The following SYNDIG1 variants were observed in gnomAD, a reference collection of about 807,000 sequenced individuals.
The protein encoded by SYNDIG1 is synapse differentiation inducing 1, also known as synapse differentiation-inducing gene protein 1.
A neutral mutation model predicts 19.4 loss-of-function variants in SYNDIG1; 9 were observed. The observed-to-expected ratio is 0.46, with a 90% CI of 0.28 to 0.81. SYNDIG1 has a LOEUF of 0.81. Ranked by LOEUF, SYNDIG1 falls within the 30% of genes least tolerant of loss-of-function variation. SYNDIG1 has a pLI of 0.12. For synonymous variants in SYNDIG1, 141 were observed against 145.9 expected, an observed-to-expected ratio of 0.97 and a Z score of 0.24; for missense variants, 311 against 343.3, an observed-to-expected ratio of 0.91 and a Z score of 0.74.
intron 3 of SYNDIG1, among the ~76,000 whole-genome samples, chr20:24,598,256 C>A (rs772987256): frequency 6.6e-6 from 1 of 151,866 alleles, no homozygotes; most frequent in Admixed American, 6.5e-5. Context: ...GTGCTTTAGA[C>A]GCACAATTCC....
At chr20:24,568,320 C>T (rs1357910739) in intron 2 of SYNDIG1, among the ~76,000 whole-genome samples, 6 of 152,186 alleles carry the variant, frequency 3.9e-5, no homozygotes, top group Non-Finnish European at 8.8e-5. Context: ...CTTTCCCTTT[C>T]CTTTCCCTGG....
rs34833930 is a variant in SYNDIG1 at position 24,626,700 on chromosome 20, G to T, written c.619-38646G>T. Among the ~76,000 whole-genome samples, 3 of 151,230 alleles carry T rather than the reference G, an allele frequency of 2.0e-5. 1 individual carries two copies. Among genetic ancestry groups the T allele is most frequent in the Non-Finnish European group, 4.4e-5 (3 of 67,600 alleles). On this transcript the variant is annotated intron_variant, in intron 3 of 3. Transcript: ENST00000376862. ...GCGGCCGGGCAGAGGCTGCAATCTC[G>T]GCACTTTGGGGGGCCAAGGCAGGCG...
At chr20:24,504,361 A>G (rs567301888) in intron 1 of SYNDIG1, among the ~76,000 whole-genome samples, 1 of 152,322 alleles carries the variant, frequency 6.6e-6, no homozygotes, top group Non-Finnish European at 1.5e-5. Flanking sequence ...GGAGCAATGA[A>G]GTCGCACATA....
intron 3 of SYNDIG1, among the ~76,000 whole-genome samples, chr20:24,595,624 T>C (rs1046676323): frequency 1.3e-5 from 2 of 152,202 alleles, no homozygotes; most frequent in African/African-American, 4.8e-5. Context: ...AGCCATATAG[T>C]CCTTTCCAGT....
At chr20:24,652,128 C>G (rs942072645) in intron 3 of SYNDIG1, among the ~76,000 whole-genome samples, 6 of 152,228 alleles carry the variant, frequency 3.9e-5, no homozygotes, top group Non-Finnish European at 8.8e-5. Flanking sequence ...AGAGTCACTG[C>G]TCCCCACAGA....
At chr20:24,470,846 G>A (rs560610052) in intron 1 of SYNDIG1, among the ~76,000 whole-genome samples, 36 of 152,236 alleles carry the variant, frequency 2.4e-4, no homozygotes, top group Non-Finnish European at 5.0e-4. Flanking sequence ...GTCCTCCTGC[G>A]ACGTCAGATG....
intron 2 of SYNDIG1, among the ~76,000 whole-genome samples, chr20:24,558,002 G>A (rs1488753728): frequency 6.6e-6 from 1 of 152,184 alleles, no homozygotes; most frequent in Admixed American, 6.5e-5. Context: ...CCGTCTCCCT[G>A]CAGACTAAAG....
chr20:24,527,026 G>A (rs981066450), intron 1 of SYNDIG1, among the ~76,000 whole-genome samples: 2 of 152,132 alleles, frequency 1.3e-5, no homozygotes, highest in African/African-American at 2.4e-5. Flanking sequence ...CTGGATCAGT[G>A]AATTTGTGTT....
chr20:24,643,451 T>C (rs987044089), intron 3 of SYNDIG1, among the ~76,000 whole-genome samples: 6 of 152,218 alleles, frequency 3.9e-5, no homozygotes, highest in African/African-American at 1.4e-4. Context: ...GCCGTGTTCA[T>C]GAGAAGTAAC....
intron 1 of SYNDIG1, among the ~76,000 whole-genome samples, chr20:24,493,975 G>A (rs2056227641): frequency 6.6e-6 from 1 of 152,232 alleles, no homozygotes; most frequent in Non-Finnish European, 1.5e-5. Context: ...CCTGGAAGCT[G>A]GGGACAGAGC....
At chr20:24,490,231 C>T (rs950530250) in intron 1 of SYNDIG1, among the ~76,000 whole-genome samples, 2 of 152,196 alleles carry the variant, frequency 1.3e-5, no homozygotes, top group African/African-American at 2.4e-5. Flanking sequence ...ATGAGGAACA[C>T]GCAGATCACA....
At chr20:24,532,686 C>T (rs2057284457) in intron 1 of SYNDIG1, among the ~76,000 whole-genome samples, 1 of 152,222 alleles carries the variant, frequency 6.6e-6, no homozygotes, top group Non-Finnish European at 1.5e-5. Context: ...TTGGGATCTT[C>T]CTGCACTCCC....
chr20:24,570,406 G>C (rs2058122977), intron 2 of SYNDIG1, among the ~76,000 whole-genome samples: 1 of 152,158 alleles, frequency 6.6e-6, no homozygotes, highest in African/African-American at 2.4e-5. Context: ...TTGCATATCT[G>C]ACAATTTGTA....
intron 3 of SYNDIG1, among the ~76,000 whole-genome samples, chr20:24,640,514 G>A (rs181299702): frequency 6.9e-6 from 1 of 145,482 alleles, no homozygotes; most frequent in African/African-American, 2.5e-5. Flanking sequence ...AGGAAGGAAG[G>A]AAGGAAGGAA....
chr20:24,499,849 A>C (rs1023660198), intron 1 of SYNDIG1, among the ~76,000 whole-genome samples: 1 of 152,160 alleles, frequency 6.6e-6, no homozygotes, highest in African/African-American at 2.4e-5. Context: ...GTTCATATCA[A>C]TATATGTAAG....
chr20:24,650,411 C>T (rs1322882470), intron 3 of SYNDIG1, among the ~76,000 whole-genome samples: 1 of 152,260 alleles, frequency 6.6e-6, no homozygotes, highest in African/African-American at 2.4e-5. Context: ...TGTCCATCCT[C>T]AGTCCACATG....
At chr20:24,519,410 A>G (rs1407838439) in intron 1 of SYNDIG1, among the ~76,000 whole-genome samples, 1 of 152,254 alleles carries the variant, frequency 6.6e-6, no homozygotes, top group Admixed American at 6.5e-5. Context: ...CCAATGGCAC[A>G]GGAAAAAGCA....
intron 3 of SYNDIG1, among the ~76,000 whole-genome samples, chr20:24,641,657 G>A (rs1490038832): frequency 6.6e-6 from 1 of 152,166 alleles, no homozygotes; most frequent in African/African-American, 2.4e-5. Flanking sequence ...ACGTAAACTA[G>A]TTAACATACG....
At chr20:24,614,216 C>G (rs1009811169) in intron 3 of SYNDIG1, among the ~76,000 whole-genome samples, 3 of 152,118 alleles carry the variant, frequency 2.0e-5, no homozygotes, top group Admixed American at 6.6e-5. Context: ...GTTGCTCAGG[C>G]TGGTCTTGAA....
Sources: allele counts gnomAD v4.1 joint callset (sites outside exome capture counted in the v4.1 genomes callset), GRCh38; gene constraint gnomAD v4.1.1; transcripts MANE v1.5; gene names NCBI Gene and HGNC (gene_info 2026-07-23, HGNC 2026-07-21).